The following OSBP2 variants were observed in gnomAD, a reference collection of about 807,000 sequenced individuals.
OSBP2 encodes oxysterol-binding protein 2.
In OSBP2, 66 loss-of-function variants were observed where a neutral mutation model predicts 96.0. That is an observed-to-expected ratio of 0.69 (90% CI 0.56 to 0.84). The LOEUF is 0.84. Among genes scored for constraint, OSBP2 ranks in the 40% least tolerant of loss-of-function variants. OSBP2 has a pLI of 0.00. For synonymous variants in OSBP2, 525 were observed against 520.9 expected (o/e 1.01, Z -0.11); for missense variants, 1,038 against 1,222.7 (o/e 0.85, Z 2.25).
At chr22:30,905,136 T>A (rs906939757) in intron 12 of OSBP2, among the ~76,000 whole-genome samples, 499 of 22,348 alleles carry the variant, frequency 0.022, 2 homozygotes, top group Middle Eastern at 0.071. Context: ...AGACCCGTCT[T>A]TTTTTTTTTT....
intron 1 of OSBP2, among the ~76,000 whole-genome samples, chr22:30,733,692 A>G (rs2145727931): frequency 6.6e-6 from 1 of 152,274 alleles, no homozygotes; most frequent in South Asian, 2.1e-4. Context: ...GTAAGTCGCT[A>G]ACCATAGATG....
chr22:30,801,216 G>T (rs189214727), intron 2 of OSBP2, among the ~76,000 whole-genome samples: 2 of 152,224 alleles, frequency 1.3e-5, no homozygotes, highest in African/African-American at 2.4e-5. Context: ...CCTGGTGCTC[G>T]TGATTACTGA....
chr22:30,701,600 C>T (rs2089164515), intron 1 of OSBP2, among the ~76,000 whole-genome samples: 2 of 152,066 alleles, frequency 1.3e-5, no homozygotes, highest in African/African-American at 2.4e-5. Context: ...GCCTCGGCCT[C>T]CCAAAGTGCT....
intron 2 of OSBP2, among the ~76,000 whole-genome samples, chr22:30,751,828 T>G (rs1041442429): frequency 1.3e-5 from 2 of 152,334 alleles, no homozygotes; most frequent in African/African-American, 4.8e-5. Context: ...AAACAACTTA[T>G]GTCCAACAAC....
Position 30,889,369 on chromosome 22 carries a change from C to A in OSBP2, c.1477-121C>A, listed in dbSNP as rs551748664. ...GTCCAGGAGCACCATCCTGGCCTTC[C>A]ACCAGCAGCGTACCAGTGGCCGGCT... On this transcript the variant is annotated intron_variant, in intron 6 of 13. Transcript: ENST00000332585. The A allele has an allele frequency of 4.9e-6, 7 of 1,437,800 alleles. No homozygotes were observed. In the South Asian group the frequency reaches 8.5e-5, roughly 18 times the overall value. The allele number at this position is 1,437,800 out of a possible 1,614,324, so 89.1% of individuals were successfully genotyped here. A position where few individuals can be genotyped will look rare whatever the true frequency, so the allele number is the denominator to read the frequency against.
intron 1 of OSBP2, among the ~76,000 whole-genome samples, chr22:30,736,033 C>A (rs781297987): frequency 3.3e-5 from 5 of 152,124 alleles, no homozygotes; most frequent in Non-Finnish European, 5.9e-5. Flanking sequence ...CATGCCTCAG[C>A]CTCCCGAGTA....
At chr22:30,867,569 A>G (rs1458551412) in intron 2 of OSBP2, among the ~76,000 whole-genome samples, 1 of 152,182 alleles carries the variant, frequency 6.6e-6, no homozygotes, top group East Asian at 1.9e-4. Context: ...TCTCTGCAGA[A>G]CAGACTGTGC....
chr22:30,814,429 G>A (rs901992160), intron 2 of OSBP2, among the ~76,000 whole-genome samples: 33 of 122,248 alleles, frequency 2.7e-4, no homozygotes, highest in Admixed American at 5.6e-4. Context: ...ATATTATCTC[G>A]TTGGGTTTTT....
In OSBP2 at chr22:30,755,473, C is replaced by T. The variant is rs1311840540; in HGVS notation, c.853+14104C>T. Among the ~76,000 whole-genome samples the T allele has an allele frequency of 2.0e-5, 3 of 152,170 alleles. No individual in the cohort carries two copies. The East Asian group carries it at 5.8e-4, about 29-fold the overall frequency. ...ATGAGGAAGGGCATGGAGTTTTCTG[C>T]TGTTCTGATGAGGAATCAGGCAACC... On this transcript the variant is annotated intron_variant, in intron 2 of 13. Coordinates refer to ENST00000332585, the MANE Select transcript of OSBP2 (RefSeq NM_030758.4).
rs34929946 is a variant in OSBP2, at chr22:30,893,936, C to G, written c.2310C>G (p.Asp770Glu). 1.3e-6 allele frequency: 2 copies of G among 1,598,260 alleles called. No individual in the cohort carries two copies. Among genetic ancestry groups the G allele is most frequent in the East Asian group, 2.3e-5 (1 of 44,310 alleles). Residue 770 changes from aspartate (D) to glutamate (E), a missense_variant, in exon 12 of 14, where the codon GAC becomes GAG. Around this residue, in one of 3 missense-constraint regions of OSBP2, gnomAD observed 737 missense variants for 913.3 expected, o/e 0.81. Coordinates refer to ENST00000332585, the MANE Select transcript of OSBP2 (RefSeq NM_030758.4). ...GCAGTCCCAGCAGCCCCAGCTCTGA[C>G]GGGAAGCAGAAGACAGTGTACCAGA... Reference protein sequence around the residue: ...MHSSPSSPSSDGKQKTVYQTL... With the variant: ...MHSSPSSPSSEGKQKTVYQTL...
intron 2 of OSBP2, among the ~76,000 whole-genome samples, chr22:30,746,989 C>T (rs2090010371): frequency 1.3e-5 from 2 of 152,106 alleles, no homozygotes; most frequent in Admixed American, 1.3e-4. Flanking sequence ...GGGACTTACC[C>T]CAGGAGTGGA....
At chr22:30,708,257 T>C (rs1444332983) in intron 1 of OSBP2, among the ~76,000 whole-genome samples, 1 of 152,146 alleles carries the variant, frequency 6.6e-6, no homozygotes, top group Non-Finnish European at 1.5e-5. Flanking sequence ...ATTGTATTAA[T>C]GTGTATTTAA....
chr22:30,829,252 A>T (rs2038470169), intron 2 of OSBP2, among the ~76,000 whole-genome samples: 1 of 152,134 alleles, frequency 6.6e-6, no homozygotes. Context: ...TTAGAAAAGG[A>T]TGCCTCTTCC....
At chr22:30,791,174 C>A (rs1245524734) in intron 2 of OSBP2, among the ~76,000 whole-genome samples, 4 of 151,672 alleles carry the variant, frequency 2.6e-5, no homozygotes, top group Non-Finnish European at 5.9e-5. Context: ...GGGGTTTCAC[C>A]ATGTTGGCCA....
rs1327763167 is a variant in OSBP2, at chr22:30,809,522, T to C, written c.854-60907T>C. Among the ~76,000 whole-genome samples the C allele has an allele frequency of 2.0e-5, 3 of 152,246 alleles. No individual in the cohort carries two copies. The East Asian group carries it at 5.8e-4, about 29-fold the overall frequency. On this transcript the variant is annotated intron_variant, in intron 2 of 13. Coordinates refer to ENST00000332585, the MANE Select transcript of OSBP2 (RefSeq NM_030758.4). ...ACCAGGGAGCGAAAGCCAGGCTATC[T>C]CAGGCCCCGTGAGTGAAGGCATGAG...
chr22:30,830,917 T>C (rs1009813949), intron 2 of OSBP2, among the ~76,000 whole-genome samples: 1 of 152,196 alleles, frequency 6.6e-6, no homozygotes, highest in African/African-American at 2.4e-5. Flanking sequence ...CACATGGCTG[T>C]ACATCATAAA....
chr22:30,715,746 G>A (rs532106264), intron 1 of OSBP2, among the ~76,000 whole-genome samples: 28 of 151,668 alleles, frequency 1.8e-4, no homozygotes, highest in Admixed American at 5.9e-4. Context: ...TAGTAGAGAC[G>A]GGGTTTCAAC....
At chr22:30,900,158 G>A (rs973620022) in intron 12 of OSBP2, among the ~76,000 whole-genome samples, 4 of 151,950 alleles carry the variant, frequency 2.6e-5, no homozygotes, top group African/African-American at 9.7e-5. Context: ...GGAGGCTGAG[G>A]CAGGAGAATC....
chr22:30,750,644 G>T (rs1340575730), intron 2 of OSBP2, among the ~76,000 whole-genome samples: 1 of 152,198 alleles, frequency 6.6e-6, no homozygotes, highest in African/African-American at 2.4e-5. Context: ...TCTCTCCAAA[G>T]CCTGCTACCT....
Sources: gnomAD v4.1 joint callset for allele counts (sites outside exome capture counted in the v4.1 genomes callset) on GRCh38, gnomAD v4.1.1 for gene constraint, gnomAD v4.1.1 regional missense constraint, MANE v1.5 for transcripts, NCBI Gene and HGNC (gene_info 2026-07-23, HGNC 2026-07-21) for gene names.